Variants in CSMD1 observed in about 807,000 individuals in gnomAD.
The protein encoded by CSMD1 is CUB and sushi domain-containing protein 1.
A neutral mutation model predicts 417.5 loss-of-function variants in CSMD1; 213 were observed. That is an observed-to-expected ratio of 0.51 (90% CI 0.46 to 0.57). The LOEUF (loss-of-function observed/expected upper bound fraction) is 0.57. CSMD1 is among the 20% of genes least tolerant of loss of function. CSMD1 has a pLI of 0.00. For missense variants in CSMD1, 6,923 were observed against 4,529.7 expected (o/e 1.53, Z -15.17); for synonymous variants, 2,862 against 1,736.8 (o/e 1.65, Z -16.11).
At chr8:3,822,114 A>G (rs1334452590) in intron 5 of CSMD1, among the ~76,000 whole-genome samples, 1 of 151,190 alleles carries the variant, frequency 6.6e-6, no homozygotes, top group African/African-American at 2.5e-5. Flanking sequence ...ATTTTTCTGG[A>G]CAATTTTTTT....
At chr8:4,567,727 T>G (rs912665960) in intron 2 of CSMD1, among the ~76,000 whole-genome samples, 6 of 152,150 alleles carry the variant, frequency 3.9e-5, no homozygotes, top group African/African-American at 1.4e-4. Context: ...TGTTACTTAC[T>G]GATATATGCT....
chr8:3,839,039 T>C (rs1220874646), intron 5 of CSMD1, among the ~76,000 whole-genome samples: 1 of 128,028 alleles, frequency 7.8e-6, no homozygotes, highest in Admixed American at 9.3e-5. Context: ...ATATATTTAT[T>C]ATATATATAA....
chr8:4,045,498 A>T (rs553338988), intron 3 of CSMD1, among the ~76,000 whole-genome samples: 1 of 152,292 alleles, frequency 6.6e-6, no homozygotes, highest in African/African-American at 2.4e-5. Context: ...CAGTTGGGGG[A>T]AGACCAGATC....
At chr8:4,835,531 T>A (rs1800426569) in intron 1 of CSMD1, among the ~76,000 whole-genome samples, 3 of 152,176 alleles carry the variant, frequency 2.0e-5, no homozygotes, top group Admixed American at 2.0e-4. Flanking sequence ...CAGTGGACAG[T>A]CAGCAACCTG....
In CSMD1 at chr8:3,107,709, A is replaced by C. The variant is rs368364469; in HGVS notation, c.6835+9T>G. ...TGAATTCATGGTATTGTAATGAAGA[A>C]AGTATTACCTATTTCGAAATCATCA... On this transcript the variant is annotated intron_variant, in intron 45 of 69. Transcript: ENST00000635120. The C allele has an allele frequency of 3.6e-5, 54 of 1,510,252 alleles. No homozygotes were observed. In the African/African-American group the frequency reaches 7.0e-4, roughly 19 times the overall value. The allele number at this position is 1,510,252 out of a possible 1,614,324, so 93.6% of individuals were successfully genotyped here. A position where few individuals can be genotyped will look rare whatever the true frequency, so the allele number is the denominator to read the frequency against.
chr8:3,458,056 C>T (rs1816269217), intron 12 of CSMD1, among the ~76,000 whole-genome samples: 2 of 152,200 alleles, frequency 1.3e-5, no homozygotes, highest in African/African-American at 4.8e-5. Context: ...GACTAAAATA[C>T]AGATTGGAGA....
chr8:4,275,155 G>A (rs560715968), intron 3 of CSMD1, among the ~76,000 whole-genome samples: 15 of 152,126 alleles, frequency 9.9e-5, no homozygotes, highest in South Asian at 4.2e-4. Context: ...TAGCTTTTAC[G>A]GCATAGTTAC....
intron 5 of CSMD1, among the ~76,000 whole-genome samples, chr8:3,912,464 A>G (rs545814726): frequency 1.3e-5 from 2 of 152,258 alleles, no homozygotes; most frequent in Non-Finnish European, 1.5e-5. Flanking sequence ...CCTAAACCAG[A>G]GAGGCTGCGT....
chr8:4,510,836 CCCTCCCT>C (rs1185345954), intron 2 of CSMD1, among the ~76,000 whole-genome samples: 4 of 133,064 alleles, frequency 3.0e-5, no homozygotes, highest in South Asian at 2.9e-4. Context: ...CTCTCTTCCT[CCCTCCCT>C]CCTCCCTCCT....
intron 5 of CSMD1, among the ~76,000 whole-genome samples, chr8:3,796,866 T>C (rs1206702558): frequency 6.6e-6 from 1 of 151,648 alleles, no homozygotes; most frequent in Non-Finnish European, 1.5e-5. Flanking sequence ...CATTCTATTG[T>C]TTCTACAAAA....
intron 3 of CSMD1, among the ~76,000 whole-genome samples, chr8:4,317,140 G>T (rs965184128): frequency 3.9e-5 from 6 of 152,088 alleles, no homozygotes; most frequent in African/African-American, 1.4e-4. Context: ...ATCTAAGGTT[G>T]AATAATAATC....
chr8:4,284,357 A>G (rs1286748035), intron 3 of CSMD1, among the ~76,000 whole-genome samples: 1 of 151,606 alleles, frequency 6.6e-6, no homozygotes, highest in Non-Finnish European at 1.5e-5. Context: ...GACAAGAGAG[A>G]AACTACAACC....
chr8:4,896,084 T>C (rs891510564), intron 1 of CSMD1, among the ~76,000 whole-genome samples: 15 of 152,156 alleles, frequency 9.9e-5, no homozygotes, highest in South Asian at 6.2e-4. Context: ...GGCCTTCCTC[T>C]GTCTGAAAAT....
At chr8:4,527,692 A>G (rs905190955) in intron 2 of CSMD1, among the ~76,000 whole-genome samples, 1 of 152,196 alleles carries the variant, frequency 6.6e-6, no homozygotes, top group Admixed American at 6.5e-5. Context: ...TTTATACAGT[A>G]CATTTCTTTC....
chr8:4,378,890 T>C (rs1196051685), intron 3 of CSMD1, among the ~76,000 whole-genome samples: 3 of 152,172 alleles, frequency 2.0e-5, no homozygotes, highest in African/African-American at 7.2e-5. Context: ...AGTTGCTGAA[T>C]CCGCAATGCT....
intron 5 of CSMD1, among the ~76,000 whole-genome samples, chr8:3,869,949 A>G (rs1337452456): frequency 6.6e-6 from 1 of 152,214 alleles, no homozygotes; most frequent in Non-Finnish European, 1.5e-5. Context: ...TGAGCTAGCT[A>G]TATGTCATCT....
chr8:4,801,691 C>G (rs1798293959), intron 1 of CSMD1, among the ~76,000 whole-genome samples: 1 of 151,914 alleles, frequency 6.6e-6, no homozygotes, highest in Non-Finnish European at 1.5e-5. Context: ...CCCTGTCCTT[C>G]TACACAAGGC....
intron 3 of CSMD1, among the ~76,000 whole-genome samples, chr8:4,162,485 G>C (rs988815549): frequency 6.6e-6 from 1 of 152,146 alleles, no homozygotes; most frequent in South Asian, 2.1e-4. Context: ...CCAGTTTGAT[G>C]AACAGTTTTG....
intron 1 of CSMD1, among the ~76,000 whole-genome samples, chr8:4,958,951 G>A (rs768875310): frequency 1.3e-5 from 2 of 152,020 alleles, no homozygotes; most frequent in Non-Finnish European, 2.9e-5. Context: ...GCTTCCTTAG[G>A]TCTTGTGAGA....
Sources: allele counts gnomAD v4.1 joint callset (sites outside exome capture counted in the v4.1 genomes callset), GRCh38; gene constraint gnomAD v4.1.1; transcripts MANE v1.5; gene names NCBI Gene and HGNC (gene_info 2026-07-23, HGNC 2026-07-21).